TMEM232: variants seen among roughly 807,000 people sequenced by gnomAD.
TMEM232 encodes the protein transmembrane protein 232.
In TMEM232, 80 loss-of-function variants were observed where a neutral mutation model predicts 78.8. The ratio of observed to expected loss-of-function variants is 1.01; its 90% CI spans 0.85 to 1.22. The LOEUF (loss-of-function observed/expected upper bound fraction) is 1.22, where lower values mean the gene tolerates loss of function less well. Among genes scored for constraint, TMEM232 ranks in the 50% most tolerant of loss-of-function variants. The pLI is 0.00. For synonymous variants in TMEM232, 297 were observed against 254.3 expected (o/e 1.17, Z -1.60); for missense variants, 881 against 742.2 (o/e 1.19, Z -2.17).
chr5:110,438,345 C>T (rs1322732747), intron 12 of TMEM232, among the ~76,000 whole-genome samples: 1 of 151,694 alleles, frequency 6.6e-6, no homozygotes, highest in East Asian at 2.0e-4. Flanking sequence ...GCAAAACCTA[C>T]CTGTGGCTTT....
intron 1 of TMEM232, among the ~76,000 whole-genome samples, chr5:110,689,888 G>C (rs1024715937): frequency 6.6e-6 from 1 of 152,118 alleles, no homozygotes; most frequent in African/African-American, 2.4e-5. Context: ...AATGGGGAAA[G>C]GATTCCCCAT....
At chr5:110,509,141 AT>A (rs898360701) in intron 12 of TMEM232, among the ~76,000 whole-genome samples, 5 of 150,714 alleles carry the variant, frequency 3.3e-5, no homozygotes, top group African/African-American at 9.8e-5. Context: ...ATTTAAAAAA[AT>A]TTTTTTGGCT....
intron 1 of TMEM232, among the ~76,000 whole-genome samples, chr5:110,670,627 T>A (rs1791235259): frequency 6.6e-6 from 1 of 152,118 alleles, no homozygotes; most frequent in East Asian, 1.9e-4. Flanking sequence ...ATGGGATTTT[T>A]TTTTCAGTCA....
intron 1 of TMEM232, among the ~76,000 whole-genome samples, chr5:110,686,139 C>T (rs1256763619): frequency 2.6e-5 from 4 of 151,998 alleles, no homozygotes; most frequent in Admixed American, 6.6e-5. Context: ...TTGCCACTCC[C>T]CCAAACAAGA....
intron 1 of TMEM232, among the ~76,000 whole-genome samples, chr5:110,696,920 G>C (rs544052839): frequency 3.3e-5 from 5 of 152,092 alleles, no homozygotes; most frequent in African/African-American, 9.6e-5. Context: ...CTACCAATGA[G>C]TTTCTTCACG....
intron 2 of TMEM232, among the ~76,000 whole-genome samples, chr5:110,663,196 G>C (rs1168105126): frequency 6.6e-6 from 1 of 151,910 alleles, no homozygotes; most frequent in Non-Finnish European, 1.5e-5. Context: ...ACAGTGAAAT[G>C]AAAAACAAGC....
At chr5:110,662,506 A>G (rs1366319412) in intron 2 of TMEM232, among the ~76,000 whole-genome samples, 2 of 152,182 alleles carry the variant, frequency 1.3e-5, no homozygotes, top group Non-Finnish European at 2.9e-5. Flanking sequence ...AAATTATGAC[A>G]AGCTGGTTTC....
At chr5:110,661,419 C>CTA (rs1789780272) in intron 2 of TMEM232, among the ~76,000 whole-genome samples, 2 of 151,992 alleles carry the variant, frequency 1.3e-5, no homozygotes, top group African/African-American at 4.8e-5. Context: ...TCAAGTAACC[C>CTA]CCCCCACCTC....
At chr5:110,539,277 G>T (rs1772800529) in intron 11 of TMEM232, among the ~76,000 whole-genome samples, 2 of 152,134 alleles carry the variant, frequency 1.3e-5, no homozygotes, top group South Asian at 4.1e-4. Flanking sequence ...CAGAGGTGAG[G>T]TATTACTTAC....
intron 7 of TMEM232, among the ~76,000 whole-genome samples, chr5:110,621,306 G>A: frequency 6.6e-6 from 1 of 152,138 alleles, no homozygotes; most frequent in East Asian, 1.9e-4. Context: ...CCAAGAGTGA[G>A]CAATGTTGCT....
chr5:110,595,303 C>T (rs1780027979), intron 10 of TMEM232, among the ~76,000 whole-genome samples: 1 of 152,150 alleles, frequency 6.6e-6, no homozygotes, highest in Admixed American at 6.6e-5. Flanking sequence ...TAGATAAATT[C>T]ACAAAGATGA....
In TMEM232 at chr5:110,479,673, G is replaced by T. The variant is rs567828862; in HGVS notation, c.1703+48915C>A. On this transcript the variant is annotated intron_variant, in intron 12 of 13. Transcript: ENST00000455884. ...ATTTTACTATCAATTGATATTTTGG[G>T]TTTTTTTAGTTGACCACTAATTTTT... is the stretch of plus-strand genomic sequence containing the variant. 3.5e-4 allele frequency among the ~76,000 whole-genome samples: 53 copies of T among 151,522 alleles called. No individual in the cohort carries two copies. In the East Asian group the frequency reaches 9.9e-3, roughly 28 times the overall value.
upstream of TMEM232, among the ~76,000 whole-genome samples, chr5:110,729,812 A>G (rs1213339423): frequency 2.0e-5 from 3 of 152,094 alleles, no homozygotes; most frequent in East Asian, 1.9e-4. Flanking sequence ...CCTTCCATCA[A>G]TTCTATAAAC....
downstream of TMEM232, among the ~76,000 whole-genome samples, chr5:110,416,689 G>C (rs1756227410): frequency 6.6e-6 from 1 of 152,110 alleles, no homozygotes; most frequent in South Asian, 2.1e-4. Flanking sequence ...TACAGAGAAG[G>C]TTTTTACTGG....
At chr5:110,501,465 A>T (rs1275820396) in intron 12 of TMEM232, among the ~76,000 whole-genome samples, 2 of 152,172 alleles carry the variant, frequency 1.3e-5, no homozygotes, top group Non-Finnish European at 2.9e-5. Flanking sequence ...TATAATAAAG[A>T]ATAAAAACTT....
chr5:110,426,794 A>T (rs1561480280), intron 12 of TMEM232, among the ~76,000 whole-genome samples: 1 of 152,048 alleles, frequency 6.6e-6, no homozygotes, highest in Non-Finnish European at 1.5e-5. Flanking sequence ...AATTGGTTTA[A>T]CTAAATTCAT....
chr5:110,484,244 C>T (rs557757796), intron 12 of TMEM232, among the ~76,000 whole-genome samples: 2 of 152,050 alleles, frequency 1.3e-5, no homozygotes, highest in Admixed American at 1.3e-4. Flanking sequence ...TATGCCAAAC[C>T]CCATCAACAC....
intron 12 of TMEM232, among the ~76,000 whole-genome samples, chr5:110,485,801 A>G (rs1287025621): frequency 6.6e-6 from 1 of 152,144 alleles, no homozygotes; most frequent in Non-Finnish European, 1.5e-5. Flanking sequence ...TCTTTTTTAG[A>G]AAATGACTTA....
intron 11 of TMEM232, among the ~76,000 whole-genome samples, chr5:110,540,757 G>A (rs1325202899): frequency 6.6e-6 from 1 of 152,100 alleles, no homozygotes; most frequent in Non-Finnish European, 1.5e-5. Flanking sequence ...ATTAATGTTG[G>A]GACAAGGTAA....
Sources: allele counts gnomAD v4.1 joint callset (sites outside exome capture counted in the v4.1 genomes callset), GRCh38; gene constraint gnomAD v4.1.1; transcripts MANE v1.5; gene names NCBI Gene and HGNC (gene_info 2026-07-23, HGNC 2026-07-21).